Variants in GABPB2 observed in about 807,000 individuals in gnomAD.
The protein encoded by GABPB2 is GA binding protein transcription factor subunit beta 2.
A neutral mutation model predicts 39.1 loss-of-function variants in GABPB2; 23 were observed. That is an observed-to-expected ratio of 0.59 (90% confidence interval 0.42 to 0.83). The LOEUF (loss-of-function observed/expected upper bound fraction) is 0.83, where lower values mean the gene tolerates loss of function less well. Among genes scored for constraint, GABPB2 ranks in the 40% least tolerant of loss-of-function variants. The pLI is 0.00. For missense variants in GABPB2, 467 were observed against 541.1 expected, an observed-to-expected ratio of 0.86 and a Z score of 1.36; for synonymous variants, 184 against 199.3, an observed-to-expected ratio of 0.92 and a Z score of 0.65.
intron 2 of GABPB2, among the ~76,000 whole-genome samples, chr1:151,089,596 T>A (rs770616661): frequency 6.6e-6 from 1 of 152,210 alleles, no homozygotes; most frequent in Admixed American, 6.6e-5. Flanking sequence ...GTACCTCAAA[T>A]TCCACATGTA....
chr1:151,092,510 T>G (rs1678804239), intron 3 of GABPB2, among the ~76,000 whole-genome samples: 2 of 152,040 alleles, frequency 1.3e-5, no homozygotes, highest in African/African-American at 4.8e-5. Flanking sequence ...ATCCTCAGCC[T>G]TCCAAAGTTC....
At chr1:151,081,677 C>T (rs747625170) in intron 1 of GABPB2, among the ~76,000 whole-genome samples, 1 of 151,878 alleles carries the variant, frequency 6.6e-6, no homozygotes, top group Non-Finnish European at 1.5e-5. Context: ...CTCTGTCACC[C>T]ATGCTGGAGT....
At chr1:151,100,075 T>C (rs954383361) in intron 5 of GABPB2, among the ~76,000 whole-genome samples, 3 of 152,148 alleles carry the variant, frequency 2.0e-5, no homozygotes, top group Non-Finnish European at 4.4e-5. Context: ...TAAATTTATA[T>C]ATACATGTAA....
intron 2 of GABPB2, among the ~76,000 whole-genome samples, chr1:151,088,998 A>ATT (rs1270668225): frequency 1.3e-5 from 2 of 152,200 alleles, no homozygotes; most frequent in Non-Finnish European, 2.9e-5. Flanking sequence ...CAAAAAAAAA[A>ATT]AAAGAAGTCA....
At chr1:151,106,860 TTTC>T (rs1399434897) in intron 6 of GABPB2, among the ~76,000 whole-genome samples, 174 bp from the exon 7 acceptor site, 4 of 152,214 alleles carry the variant, frequency 2.6e-5, no homozygotes, top group East Asian at 1.9e-4. Flanking sequence ...TGCATTCTGT[TTTC>T]TTTTCTCCTC....
chr1:151,077,450 G>A lies in GABPB2; in HGVS notation c.-1+6516G>A, dbSNP rs189407150. On this transcript the variant is annotated intron_variant, in intron 1 of 8. Coordinates refer to ENST00000368918, the MANE Select transcript of GABPB2 (RefSeq NM_144618.3). ...CGGCTCACTGCAGCCTCTACCTCCC[G>A]GATTCAAGTGATTCTTCTGCCTCAG... 2.7e-4 allele frequency among the ~76,000 whole-genome samples: 38 copies of A among 140,076 alleles called. No homozygotes were observed. The East Asian group carries it at 5.7e-3, about 21-fold the overall frequency. The allele number at this position is 140,076 out of a possible 152,430, so 91.9% of individuals were successfully genotyped here.
At chr1:151,074,354 A>AGTGC (rs1676983515) in intron 1 of GABPB2, among the ~76,000 whole-genome samples, 1 of 138,662 alleles carries the variant, frequency 7.2e-6, no homozygotes, top group Admixed American at 7.6e-5. Context: ...TCTGTCGCCC[A>AGTGC]GGCTGGAGTG....
intron 1 of GABPB2, among the ~76,000 whole-genome samples, chr1:151,086,186 A>G (rs1432295473): frequency 2.0e-5 from 3 of 152,074 alleles, no homozygotes; most frequent in Non-Finnish European, 4.4e-5. Flanking sequence ...TCAGGACTGC[A>G]GTGAGCTGTG....
intron 1 of GABPB2, among the ~76,000 whole-genome samples, chr1:151,074,986 C>T (rs1677041812): frequency 6.6e-6 from 1 of 151,920 alleles, no homozygotes; most frequent in Non-Finnish European, 1.5e-5. Context: ...ACTAAAAATA[C>T]AAAAATAAGC....
intron 1 of GABPB2, among the ~76,000 whole-genome samples, chr1:151,080,064 A>T (rs965847070): frequency 6.0e-5 from 9 of 151,092 alleles, no homozygotes; most frequent in Non-Finnish European, 1.3e-4. Flanking sequence ...AAAATACAAA[A>T]ATTAGCCAAG....
rs1296429726 is a variant in GABPB2, at chr1:151,120,690, AG to A, written c.*2437del. ...TGGATTTCATAAAATTACAGTGAGG[AG>A]GGTAGTCTCTTGTCAGAAAAACTTG... is the stretch of plus-strand genomic sequence containing the variant. On this transcript the variant is annotated 3_prime_UTR_variant, in exon 9 of 9. Transcript: ENST00000368918. The A allele has an allele frequency of 6.6e-6, 1 of 151,016 alleles. No individual in the cohort carries two copies. Among genetic ancestry groups the A allele is most frequent in the African/African-American group, 2.4e-5 (1 of 41,162 alleles). The allele number at this position is 151,016 out of a possible 1,614,324, so 9.4% of individuals were successfully genotyped here.
intron 6 of GABPB2, among the ~76,000 whole-genome samples, chr1:151,105,985 G>T (rs1317707959): frequency 6.7e-6 from 1 of 148,548 alleles, no homozygotes; most frequent in African/African-American, 2.5e-5. Context: ...TTTTGAGATG[G>T]AATCTCGCTC....
At chr1:151,111,250 T>G (rs1466075907) in intron 7 of GABPB2, among the ~76,000 whole-genome samples, 2 of 147,980 alleles carry the variant, frequency 1.4e-5, no homozygotes, top group African/African-American at 4.9e-5. Context: ...TTTTTTTTCT[T>G]TTTTTTTTTT....
At chr1:151,101,676 A>T (rs74125093) in intron 5 of GABPB2, among the ~76,000 whole-genome samples, 3,702 of 152,300 alleles carry the variant, frequency 0.024, 102 homozygotes, top group African/African-American at 0.073. Flanking sequence ...ATGTCATGCC[A>T]GCTGACAAGA....
rs35251516 is a variant in GABPB2 at position 151,100,580 on chromosome 1, C to CTTTTT, written c.622+2600_622+2604dup. Among the ~76,000 whole-genome samples the CTTTTT allele has an allele frequency of 8.6e-4, 40 of 46,724 alleles. 13 individuals are homozygous for CTTTTT. Among genetic ancestry groups the CTTTTT allele is most frequent in the African/African-American group, 2.2e-3 (28 of 12,680 alleles). The allele number at this position is 46,724 out of a possible 152,430, so 30.7% of individuals were successfully genotyped here. On this transcript the variant is annotated intron_variant, in intron 5 of 8. Coordinates refer to ENST00000368918, the MANE Select transcript of GABPB2 (RefSeq NM_144618.3). ...ACAAGTGTGAGCCACTGTGCCTGGC[C>CTTTTT]TTTTTTTTTTTTTTTTTTTTTTTTT...
At chr1:151,073,733 A>G (rs1676916529) in intron 1 of GABPB2, among the ~76,000 whole-genome samples, 1 of 151,940 alleles carries the variant, frequency 6.6e-6, no homozygotes, top group Non-Finnish European at 1.5e-5. Context: ...CAGCCTGGCC[A>G]ACATGGTGAA....
At chr1:151,107,625 G>A (rs587728767) in intron 7 of GABPB2, among the ~76,000 whole-genome samples, 1 of 151,892 alleles carries the variant, frequency 6.6e-6, no homozygotes, top group African/African-American at 2.4e-5. Context: ...ACCGCGCCCG[G>A]CCCTGATGGC....
intron 7 of GABPB2, among the ~76,000 whole-genome samples, chr1:151,109,364 A>ATTTTTTT (rs56324886): frequency 2.0e-4 from 23 of 112,374 alleles, no homozygotes; most frequent in Non-Finnish European, 3.4e-4. Flanking sequence ...ATATATATAT[A>ATTTTTTT]TTTTTTTTTT....
intron 5 of GABPB2, 26 bp downstream of exon 5, chr1:151,098,028 ATTTT>A (rs1486353905): frequency 6.2e-7 from 1 of 1,607,248 alleles, no homozygotes; most frequent in African/African-American, 1.3e-5. Context: ...CATGAAATTT[ATTTT>A]AGACTCAAAA....
Sources: gnomAD v4.1 joint callset for allele counts (sites outside exome capture counted in the v4.1 genomes callset) on GRCh38, gnomAD v4.1.1 for gene constraint, MANE v1.5 for transcripts, NCBI Gene and HGNC (gene_info 2026-07-23, HGNC 2026-07-21) for gene names.